DYNC2H1: variants seen among roughly 807,000 people sequenced by gnomAD.
The protein encoded by DYNC2H1 is dynein cytoplasmic 2 heavy chain 1.
A neutral mutation model predicts 570.0 loss-of-function variants in DYNC2H1; 410 were observed. The observed-to-expected ratio is 0.72, with a 90% confidence interval of 0.66 to 0.78. The LOEUF is 0.78. DYNC2H1 is among the 30% of genes least tolerant of loss of function. The pLI, the probability that DYNC2H1 is intolerant of heterozygous loss-of-function variation, is 0.00. For synonymous variants in DYNC2H1, 1,688 were observed against 1,677.6 expected (o/e 1.01, Z -0.15); for missense variants, 4,865 against 5,046.4 (o/e 0.96, Z 1.09).
intron 1 of DYNC2H1, among the ~76,000 whole-genome samples, chr11:103,110,855 C>T (rs1333233382): frequency 1.3e-5 from 2 of 150,154 alleles, no homozygotes; most frequent in African/African-American, 4.9e-5. Context: ...TTCGCAGTTT[C>T]GCTCGTATTA....
Position 103,275,406 on chromosome 11 carries a change from T to C in DYNC2H1, c.10696-4942T>C, listed in dbSNP as rs1865869339. On this transcript the variant is annotated intron_variant, in intron 70 of 88. Transcript: ENST00000375735. The surrounding 1 kb of genome is among the most constrained non-coding windows in gnomAD (Gnocchi z 4.8). The stretch of plus-strand genomic sequence containing the variant: ...AGTTCACTCTTGGTATTGTACCTTA[T>C]ATGGATTTTGAGAAATTTAAATGAC... Among the ~76,000 whole-genome samples the C allele has an allele frequency of 6.6e-6, 1 of 152,198 alleles. No individual in the cohort carries two copies. The highest frequency in any genetic ancestry group is 1.5e-5 in the Non-Finnish European group (1 of 68,038).
chr11:103,117,234 A>ATATATATATTTAATATATATATTT (rs1437385113), intron 5 of DYNC2H1, among the ~76,000 whole-genome samples: 5 of 146,704 alleles, frequency 3.4e-5, no homozygotes, highest in East Asian at 1.9e-4. Flanking sequence ...TAATATATGT[A>ATATATATATTTAATATATATATTT]TATATATATT....
intron 83 of DYNC2H1, among the ~76,000 whole-genome samples, chr11:103,360,610 AATT>A (rs927926176): frequency 9.9e-5 from 15 of 152,136 alleles, no homozygotes; most frequent in Admixed American, 1.3e-4. Context: ...TTTTCAAGCA[AATT>A]ATTATTATTT....
rs990263293 is a variant in DYNC2H1 at position 103,326,084 on chromosome 11, G to A, written c.12039+2094G>A. On this transcript the variant is annotated intron_variant, in intron 82 of 88. Coordinates refer to ENST00000375735, the MANE Select transcript of DYNC2H1 (RefSeq NM_001377.3). This position sits in a 1 kb window ranked among gnomAD's most constrained non-coding sequence, Gnocchi z 6.1. ...GGTGAATTCTTGCTCTTGGTTTCCG[G>A]CATCTATTAGCAGAATAATGTTTAG... is the stretch of plus-strand genomic sequence containing the variant. Among the ~76,000 whole-genome samples the A allele has an allele frequency of 6.6e-6, 1 of 152,110 alleles. No individual in the cohort carries two copies. Among genetic ancestry groups the A allele is most frequent in the Non-Finnish European group, 1.5e-5 (1 of 68,028 alleles).
At chr11:103,432,627 A>T (rs980105490) in intron 84 of DYNC2H1, among the ~76,000 whole-genome samples, 7 of 152,100 alleles carry the variant, frequency 4.6e-5, no homozygotes, top group Non-Finnish European at 1.0e-4. Context: ...ATGGTCTAAA[A>T]TAACCATAAA....
chr11:103,125,368 T>C (rs61897069), intron 12 of DYNC2H1, 73 bp downstream of exon 12: 2 of 352,194 alleles, frequency 5.7e-6, no homozygotes, highest in South Asian at 9.3e-5. Flanking sequence ...GCTAAAGGCT[T>C]TTTTTTTTTT....
intron 84 of DYNC2H1, among the ~76,000 whole-genome samples, chr11:103,412,818 A>T (rs1330512445): frequency 1.3e-5 from 2 of 152,188 alleles, no homozygotes; most frequent in Non-Finnish European, 2.9e-5. Flanking sequence ...TACATATAGA[A>T]CTTTATTATA....
rs1224381726 is a variant in DYNC2H1 at position 103,324,718 on chromosome 11, G to A, written c.12039+728G>A. On this transcript the variant is annotated intron_variant, in intron 82 of 88. Transcript: ENST00000375735. The surrounding 1 kb of genome is among the most constrained non-coding windows in gnomAD (Gnocchi z 5.2). ...GGTAGAACCATTTATATTCCTTTGAGTATATACCCAATAATGGGATTTCTG... is the reference window on the plus strand; with the variant it reads ...GGTAGAACCATTTATATTCCTTTGAATATATACCCAATAATGGGATTTCTG... Among the ~76,000 whole-genome samples the A allele has an allele frequency of 6.6e-6, 1 of 152,162 alleles. No individual in the cohort carries two copies. Among genetic ancestry groups the A allele is most frequent in the African/African-American group, 2.4e-5 (1 of 41,426 alleles).
chr11:103,148,398 T>G, intron 19 of DYNC2H1, 92 bp from the exon 20 acceptor site: 1 of 1,324,572 alleles, frequency 7.5e-7, no homozygotes, highest in Non-Finnish European at 1.0e-6. Flanking sequence ...ATGTACTGAT[T>G]ACTTCTACCA....
intron 70 of DYNC2H1, among the ~76,000 whole-genome samples, chr11:103,270,304 C>A (rs1265769858): frequency 6.6e-6 from 1 of 151,756 alleles, no homozygotes; most frequent in Admixed American, 6.6e-5. Flanking sequence ...TCCAAGACAC[C>A]CCGCATGGGT....
intron 47 of DYNC2H1, among the ~76,000 whole-genome samples, chr11:103,194,487 C>A (rs1311420232): frequency 6.6e-6 from 1 of 152,118 alleles, no homozygotes; most frequent in African/African-American, 2.4e-5. Flanking sequence ...TTTTAAGCAA[C>A]TAACAGGCTT....
intron 29 of DYNC2H1, among the ~76,000 whole-genome samples, chr11:103,162,617 G>A (rs1861144247): frequency 6.6e-6 from 1 of 152,104 alleles, no homozygotes; most frequent in Non-Finnish European, 1.5e-5. Flanking sequence ...GATGGCATGA[G>A]CCAGGAACTT....
chr11:103,209,112 T>A lies in DYNC2H1; in HGVS notation c.8455-764T>A, dbSNP rs1863049365. ...GAAGACATCTTTTGGCTTACATTTT[T>A]TTTTCAGTCTGAGAAATTTAAAAAA... On this transcript the variant is annotated intron_variant, in intron 52 of 88. Transcript: ENST00000375735. The surrounding 1 kb of genome is among the most constrained non-coding windows in gnomAD (Gnocchi z 4.2). Among the ~76,000 whole-genome samples the A allele has an allele frequency of 1.3e-5, 2 of 151,458 alleles. No homozygotes were observed. Among genetic ancestry groups the A allele is most frequent in the African/African-American group, 4.9e-5 (2 of 40,946 alleles).
intron 82 of DYNC2H1, among the ~76,000 whole-genome samples, chr11:103,346,670 G>T (rs1372071770): frequency 6.6e-6 from 1 of 152,078 alleles, no homozygotes; most frequent in African/African-American, 2.4e-5. Flanking sequence ...TTATTATTTA[G>T]TAAGATATGA....
At chr11:103,266,509 G>A (rs1447680279) in intron 70 of DYNC2H1, among the ~76,000 whole-genome samples, 2 of 152,144 alleles carry the variant, frequency 1.3e-5, no homozygotes, top group African/African-American at 2.4e-5. Context: ...ACTAGCGGGG[G>A]TGGGGCCAGC....
At chr11:103,258,048 G>T (rs921409347) in intron 69 of DYNC2H1, among the ~76,000 whole-genome samples, 14 of 151,988 alleles carry the variant, frequency 9.2e-5, no homozygotes, top group Non-Finnish European at 1.9e-4. Flanking sequence ...ATAAAAATAA[G>T]AATTATCCCT....
chr11:103,399,975 C>T lies in DYNC2H1; in HGVS notation c.12366+103C>T, dbSNP rs543876015. 40 of 941,108 alleles carry T rather than the reference C, an allele frequency of 4.3e-5. No individual in the cohort carries two copies. The African/African-American group carries it at 6.1e-4, about 14-fold the overall frequency. 58.3% of individuals were successfully genotyped at this position (941,108 alleles called of 1,614,324 possible). On this transcript the variant is annotated intron_variant, in intron 84 of 88. Coordinates refer to ENST00000375735, the MANE Select transcript of DYNC2H1 (RefSeq NM_001377.3). ...ATCATATAGTTAATAGCAGAAGACCCGAGTCACACTGGCTTAAGCCATATA... is the reference window on the plus strand; with the variant it reads ...ATCATATAGTTAATAGCAGAAGACCTGAGTCACACTGGCTTAAGCCATATA...
chr11:103,169,572 A>G (rs1194789739), intron 32 of DYNC2H1, among the ~76,000 whole-genome samples: 1 of 152,112 alleles, frequency 6.6e-6, no homozygotes, highest in East Asian at 1.9e-4. Context: ...ATCTACCTCA[A>G]TTGAGGAAAA....
chr11:103,159,054 T>C, intron 28 of DYNC2H1, 27 bp downstream of exon 28: 1 of 1,563,262 alleles, frequency 6.4e-7, no homozygotes, highest in Non-Finnish European at 8.8e-7. Context: ...ATTTAACAGA[T>C]ATTTATTGAG....
Sources: gnomAD v4.1 joint callset for allele counts (sites outside exome capture counted in the v4.1 genomes callset) on GRCh38, gnomAD v4.1.1 for gene constraint, Gnocchi (gnomAD v3.1) non-coding constraint, MANE v1.5 for transcripts, NCBI Gene and HGNC (gene_info 2026-07-23, HGNC 2026-07-21) for gene names.